Variants in ATP2C1 observed in about 807,000 individuals in gnomAD.
ATP2C1 encodes the protein calcium-transporting ATPase type 2C member 1.
In ATP2C1, 31 loss-of-function variants were observed where a neutral mutation model predicts 120.5. That is an observed-to-expected ratio of 0.26 (90% confidence interval 0.19 to 0.35). The LOEUF (loss-of-function observed/expected upper bound fraction) is 0.35. Ranked by LOEUF, ATP2C1 falls within the 10% of genes least tolerant of loss-of-function variation. The pLI, the probability that ATP2C1 is intolerant of heterozygous loss-of-function variation, is 1.00. For missense variants in ATP2C1, 731 were observed against 1,107.5 expected (o/e 0.66, Z 4.83); for synonymous variants, 351 against 358.7 (o/e 0.98, Z 0.24).
intron 8 of ATP2C1, among the ~76,000 whole-genome samples, chr3:130,948,139 G>A (rs1436977955): frequency 1.3e-5 from 2 of 152,110 alleles, no homozygotes; most frequent in Non-Finnish European, 2.9e-5. Context: ...TACATAGTTA[G>A]CTTCATTGGA....
chr3:131,009,568 T>C lies in ATP2C1; in HGVS notation c.2630-6584T>C, dbSNP rs115660242. On this transcript the variant is annotated intron_variant, in intron 26 of 26. Coordinates refer to the ATP2C1 transcript ENST00000328560. ...ATTTACTTCTCTCATTTTAACAGAC[T>C]GTTATATGGCCTGGTGCAGTCACGC... is the stretch of plus-strand genomic sequence containing the variant. Among the ~76,000 whole-genome samples, 526 of 152,330 alleles carry C rather than the reference T, an allele frequency of 3.5e-3. 1 individual carries two copies. The highest frequency in any genetic ancestry group is 0.012 in the African/African-American group (499 of 41,582).
chr3:130,905,018 A>G (rs1341806594), intron 2 of ATP2C1, among the ~76,000 whole-genome samples: 2 of 152,082 alleles, frequency 1.3e-5, no homozygotes, highest in East Asian at 1.9e-4. Flanking sequence ...TTTTGTGAGC[A>G]CTAATTTACT....
At chr3:130,919,814 G>T (rs894418026) in intron 2 of ATP2C1, among the ~76,000 whole-genome samples, 1 of 152,134 alleles carries the variant, frequency 6.6e-6, no homozygotes, top group Non-Finnish European at 1.5e-5. Context: ...CCACCAACAG[G>T]ATTCCAATTT....
At chr3:131,014,743 T>C (rs1450443947) in intron 26 of ATP2C1, among the ~76,000 whole-genome samples, 1 of 152,168 alleles carries the variant, frequency 6.6e-6, no homozygotes, top group East Asian at 1.9e-4. Flanking sequence ...TGTTAGAATA[T>C]GAGAAAATTT....
At chr3:130,969,581 A>G (rs1195608257) in intron 17 of ATP2C1, among the ~76,000 whole-genome samples, 185 bp downstream of exon 17, 1 of 152,192 alleles carries the variant, frequency 6.6e-6, no homozygotes, top group Non-Finnish European at 1.5e-5. Context: ...TCCTTATAGA[A>G]TCCATGCATA....
At position 131,002,757 on chromosome 3, in the gene ATP2C1, T is replaced by G. The variant is rs1321763357; in HGVS notation, c.*1407T>G. ...CCACTCCTTAGCTTTTATCCAATATTAAACTGCAAGTGTTAGCACTGAAAT... is the reference window on the plus strand; with the variant it reads ...CCACTCCTTAGCTTTTATCCAATATGAAACTGCAAGTGTTAGCACTGAAAT... On this transcript the variant is annotated 3_prime_UTR_variant, in exon 28 of 28. Coordinates refer to ENST00000510168, the MANE Select transcript of ATP2C1 (RefSeq NM_001378687.1). 1 of 985,378 alleles carries G rather than the reference T, an allele frequency of 1.0e-6. No homozygotes were observed. Among genetic ancestry groups the G allele is most frequent in the East Asian group, 1.1e-4 (1 of 8,836 alleles). The allele number at this position is 985,378 out of a possible 1,614,324, so 61.0% of individuals were successfully genotyped here. A position where few individuals can be genotyped will look rare whatever the true frequency, so the allele number is the denominator to read the frequency against.
At chr3:130,870,128 T>A (rs1356283986) in intron 1 of ATP2C1, among the ~76,000 whole-genome samples, 2 of 152,134 alleles carry the variant, frequency 1.3e-5, no homozygotes, top group African/African-American at 4.8e-5. Flanking sequence ...GATCCATTTA[T>A]AGCATGGCTT....
chr3:130,910,843 G>A (rs1231179398), intron 2 of ATP2C1, among the ~76,000 whole-genome samples: 5 of 76,994 alleles, frequency 6.5e-5, no homozygotes, highest in African/African-American at 2.0e-4. Context: ...TGCTGGATTC[G>A]TTTTGCCAGT....
intron 20 of ATP2C1, among the ~76,000 whole-genome samples, chr3:130,985,150 G>A (rs1008883671): frequency 6.6e-6 from 1 of 152,124 alleles, no homozygotes; most frequent in Non-Finnish European, 1.5e-5. Flanking sequence ...TACATACAAA[G>A]TCAACATTGT....
intron 18 of ATP2C1, among the ~76,000 whole-genome samples, 186 bp downstream of exon 18, chr3:130,975,674 A>G: frequency 6.6e-6 from 1 of 152,234 alleles, no homozygotes; most frequent in East Asian, 1.9e-4. Context: ...TTGAGAATGT[A>G]GCAAAATATG....
At chr3:130,928,935 T>A (rs1417366381) in intron 2 of ATP2C1, among the ~76,000 whole-genome samples, 1 of 152,222 alleles carries the variant, frequency 6.6e-6, no homozygotes, top group African/African-American at 2.4e-5. Context: ...TCCAATGTTT[T>A]ACTTAGGAAC....
At chr3:130,894,051 G>A, upstream of ATP2C1, 1 of 986,390 alleles carries the variant, frequency 1.0e-6, no homozygotes, top group Non-Finnish European at 1.2e-6. The surrounding 1 kb of genome is among the most constrained non-coding windows in gnomAD (Gnocchi z 4.5). Context: ...CGGCGGCGGG[G>A]AGGGGCGGAG....
downstream of ATP2C1, among the ~76,000 whole-genome samples, chr3:131,006,889 A>G (rs1241342519): frequency 6.6e-6 from 1 of 151,986 alleles, no homozygotes; most frequent in Non-Finnish European, 1.5e-5. Context: ...GCTGGTCTCA[A>G]ACTCCTGGGC....
At chr3:130,867,208 C>T (rs2068207230) in intron 1 of ATP2C1, among the ~76,000 whole-genome samples, 1 of 151,984 alleles carries the variant, frequency 6.6e-6, no homozygotes, top group Non-Finnish European at 1.5e-5. Context: ...GAAAGTAGTC[C>T]AATAATAACC....
chr3:130,986,513 C>G (rs937506381), intron 20 of ATP2C1, among the ~76,000 whole-genome samples: 15 of 152,284 alleles, frequency 9.9e-5, no homozygotes, highest in African/African-American at 3.6e-4. Flanking sequence ...CTGGACAAAT[C>G]ACATTGTTGG....
At chr3:130,944,567 C>A (rs759432251) in intron 8 of ATP2C1, among the ~76,000 whole-genome samples, 4 of 152,162 alleles carry the variant, frequency 2.6e-5, no homozygotes, top group Non-Finnish European at 4.4e-5. Flanking sequence ...CCGCATCTAA[C>A]CCTGATTACT....
At position 130,906,122 on chromosome 3, in the gene ATP2C1, A is replaced by G. The variant is rs147251260; in HGVS notation, c.6+11347A>G. 8.4e-3 allele frequency among the ~76,000 whole-genome samples: 1,282 copies of G among 152,180 alleles called. 25 individuals carry two copies. The highest frequency in any genetic ancestry group is 0.03 in the African/African-American group (1,225 of 41,522). On this transcript the variant is annotated intron_variant, in intron 2 of 27. Transcript: ENST00000510168. ...CACTTACCACAAAATTTGTCATTTT[A>G]AAGTGTATAATTCAGTGGTTTTTAG...
At chr3:131,005,574 T>C (rs2063076910), downstream of ATP2C1, among the ~76,000 whole-genome samples, 1 of 152,222 alleles carries the variant, frequency 6.6e-6, no homozygotes, top group African/African-American at 2.4e-5. Flanking sequence ...CCATCTGAAA[T>C]GTACAGCTTG....
intron 2 of ATP2C1, among the ~76,000 whole-genome samples, chr3:130,917,844 CTT>C (rs2058753376): frequency 1.3e-5 from 2 of 152,136 alleles, no homozygotes; most frequent in Admixed American, 6.5e-5. Context: ...TCATTCCACT[CTT>C]TGATTTTTAT....
Sources: gnomAD v4.1 joint callset for allele counts (sites outside exome capture counted in the v4.1 genomes callset) on GRCh38, gnomAD v4.1.1 for gene constraint, Gnocchi (gnomAD v3.1) non-coding constraint, MANE v1.5 for transcripts, NCBI Gene and HGNC (gene_info 2026-07-23, HGNC 2026-07-21) for gene names.